The following MED23 variants were observed in gnomAD, a reference collection of about 807,000 sequenced individuals.
The protein encoded by MED23 is mediator complex subunit 23.
A neutral mutation model predicts 163.9 loss-of-function variants in MED23; 105 were observed. That is an observed-to-expected ratio of 0.64 (90% confidence interval 0.55 to 0.75). MED23 has a LOEUF of 0.75. Ranked by LOEUF, MED23 falls within the 30% of genes least tolerant of loss-of-function variation. MED23 has a pLI of 0.00. For synonymous variants in MED23, 561 were observed against 565.6 expected (o/e 0.99, Z 0.12); for missense variants, 1,054 against 1,649.0 (o/e 0.64, Z 6.25).
rs75072097 is a variant in MED23 at position 131,627,045 on chromosome 6, A to G, written c.159+351T>C. The G allele has an allele frequency of 3.8e-3, 771 of 201,294 alleles. 3 individuals are homozygous for G. Among genetic ancestry groups the G allele is most frequent in the African/African-American group, 0.015 (655 of 42,714 alleles). 12.5% of individuals were successfully genotyped at this position (201,294 alleles called of 1,614,324 possible). ...CTGTGCCAATTCCTTTATTTAGCAG[A>G]AAAATGGAATTTGTATCCTTGACAA... is the stretch of plus-strand genomic sequence containing the variant. On this transcript the variant is annotated intron_variant, in intron 3 of 28. Coordinates refer to ENST00000368068, the MANE Select transcript of MED23 (RefSeq NM_004830.4).
chr6:131,605,424 A>G lies in MED23; in HGVS notation c.1429T>C (p.Leu477=), dbSNP rs1430602417. The change falls in exon 14 of 29, where the codon TTG becomes CTG. Residue 477 remains leucine (L), a synonymous_variant. Transcript: ENST00000368068. ...LQMNDYKIAL[L]CNAYSTNSEC... ...GAATTTGTAGAGTATGCATTACACA[A>G]TAGAGCAATCTTATAGTCATTCATC... 5 of 1,611,870 alleles carry G rather than the reference A, an allele frequency of 3.1e-6. No homozygotes were observed. The Admixed American group carries it at 5.0e-5, about 16-fold the overall frequency.
downstream of MED23, chr6:131,584,059 T>A: frequency 1.1e-6 from 1 of 884,938 alleles, no homozygotes; most frequent in Non-Finnish European, 1.7e-6. Flanking sequence ...CCTCTTGGTG[T>A]AAAATTCAAG....
intron 28 of MED23, among the ~76,000 whole-genome samples, chr6:131,588,414 T>TA (rs1427757514): frequency 1.3e-5 from 2 of 152,242 alleles, no homozygotes; most frequent in African/African-American, 2.4e-5. Flanking sequence ...ACAGCTTTCT[T>TA]AGCTTTACTC....
chr6:131,619,921 G>A lies in MED23; in HGVS notation c.598-25C>T, dbSNP rs1012773885. ...ACTAAAGAGAGAAAGAAAGAGGGAA[G>A]TCAAATAAATACGTACAAAAGGAAA... On this transcript the variant is annotated intron_variant, in intron 7 of 28. Transcript: ENST00000368068. 26 of 1,449,474 alleles carry A rather than the reference G, an allele frequency of 1.8e-5. No homozygotes were observed. The African/African-American group carries it at 3.5e-4, about 19-fold the overall frequency. 89.8% of individuals were successfully genotyped at this position (1,449,474 alleles called of 1,614,324 possible). A position where few individuals can be genotyped will look rare whatever the true frequency, so the allele number is the denominator to read the frequency against.
intron 14 of MED23, 149 bp from the exon 15 acceptor site, chr6:131,604,469 A>T: frequency 1.1e-6 from 1 of 933,504 alleles, no homozygotes; most frequent in South Asian, 1.5e-5. Context: ...TGTGCAGGAC[A>T]CTTGGTAAGG....
At position 131,624,819 on chromosome 6, in the gene MED23, T is replaced by C. The variant is rs371693479; in HGVS notation, c.284+46A>G. ...CAACCTCAACCAATTTCCAATCACA[T>C]ATAGAAAAGAAAATTCTTCAGATTG... On this transcript the variant is annotated intron_variant, in intron 4 of 28. Transcript: ENST00000368068. 2.2e-5 allele frequency: 36 copies of C among 1,608,310 alleles called. No individual in the cohort carries two copies. The African/African-American group carries it at 3.5e-4, about 16-fold the overall frequency.
At chr6:131,595,228 C>T (rs1774960404) in intron 22 of MED23, among the ~76,000 whole-genome samples, 1 of 152,172 alleles carries the variant, frequency 6.6e-6, no homozygotes, top group Non-Finnish European at 1.5e-5. Flanking sequence ...CAATATTCTC[C>T]TTATAACCAG....
At chr6:131,584,599 T>C (rs1019711613), downstream of MED23, among the ~76,000 whole-genome samples, 2 of 152,148 alleles carry the variant, frequency 1.3e-5, no homozygotes, top group African/African-American at 4.8e-5. Flanking sequence ...TTGGGCTAGA[T>C]GTCCATGTTT....
At chr6:131,615,066 C>CAAAAAAAAAAAAAAAAAAAAA (rs5880072) in intron 10 of MED23, among the ~76,000 whole-genome samples, 3 of 68,242 alleles carry the variant, frequency 4.4e-5, no homozygotes, top group Non-Finnish European at 5.7e-5. Context: ...TCTTTGTTAC[C>CAAAAAAAAAAAAAAAAAAAAA]AAAAAAAAAA....
chr6:131,580,905 G>C (rs1773885849), intron 30 of MED23, among the ~76,000 whole-genome samples: 1 of 152,140 alleles, frequency 6.6e-6, no homozygotes, highest in Admixed American at 6.6e-5. Context: ...TTTCTTGTGT[G>C]GCTAGTATTT....
intron 2 of MED23, 76 bp from the exon 3 acceptor site, chr6:131,627,559 A>G (rs1777603921): frequency 6.3e-7 from 1 of 1,590,998 alleles, no homozygotes; most frequent in African/African-American, 1.3e-5. Context: ...AGTGGATCTT[A>G]TAACCTTCCA....
In MED23 at chr6:131,627,449, T is replaced by C. The variant is rs754748748; in HGVS notation, c.106A>G (p.Lys36Glu). The C allele has an allele frequency of 1.2e-6, 2 of 1,613,814 alleles. No individual in the cohort carries two copies. Among genetic ancestry groups the C allele is most frequent in the Non-Finnish European group, 1.7e-6 (2 of 1,179,926 alleles). Reference sequence around the variant, plus strand: ...AAGGCCCCCAAACAGCTAATTAGTTTTGTTTTCTCATCTTCAGGAGTATCC... The same window carrying C: ...AAGGCCCCCAAACAGCTAATTAGTTCTGTTTTCTCATCTTCAGGAGTATCC... ...FMDTPEDEKT[K>E]LISCLGAFRQ... is the part of the protein sequence containing the mutation. The change falls in exon 3 of 29, where the codon AAA becomes GAA. Residue 36 changes from lysine to glutamate, a missense_variant. This residue lies in a region of MED23 where 227 missense variants were observed against 235.5 expected (regional missense o/e 0.96). Coordinates refer to ENST00000368068, the MANE Select transcript of MED23 (RefSeq NM_004830.4).
At chr6:131,580,034 T>C (rs1773841149) in intron 30 of MED23, among the ~76,000 whole-genome samples, 1 of 152,162 alleles carries the variant, frequency 6.6e-6, no homozygotes, top group African/African-American at 2.4e-5. Flanking sequence ...CATATTCAGG[T>C]TGCATTATAA....
intron 3 of MED23, 78 bp from the exon 4 acceptor site, chr6:131,625,067 G>A: frequency 7.0e-7 from 1 of 1,429,916 alleles, no homozygotes; most frequent in Non-Finnish European, 9.8e-7. Context: ...ACAACTGGAA[G>A]TATACCAATA....
chr6:131,616,807 TG>T (rs1776725273), intron 9 of MED23, among the ~76,000 whole-genome samples: 1 of 152,000 alleles, frequency 6.6e-6, no homozygotes, highest in African/African-American at 2.4e-5. Flanking sequence ...GGTGACAGAG[TG>T]AGAGCCTGAC....
chr6:131,613,199 G>A (rs1776405118), intron 10 of MED23, among the ~76,000 whole-genome samples: 1 of 152,130 alleles, frequency 6.6e-6, no homozygotes, highest in African/African-American at 2.4e-5. Context: ...ACCACACTAT[G>A]TAAGAGCTTG....
intron 30 of MED23, among the ~76,000 whole-genome samples, chr6:131,576,968 A>G (rs561821926): frequency 1.2e-4 from 19 of 152,212 alleles, no homozygotes; most frequent in African/African-American, 4.6e-4. Context: ...AAACTACAGT[A>G]TAAGATAAAT....
chr6:131,599,377 T>C (rs1392589343), intron 18 of MED23, among the ~76,000 whole-genome samples: 1 of 152,190 alleles, frequency 6.6e-6, no homozygotes, highest in Non-Finnish European at 1.5e-5. Flanking sequence ...AGAAGACAGA[T>C]GAGGTTTGCC....
rs149725633 is a variant in MED23 at position 131,618,292 on chromosome 6, T to C, written c.780+115A>G. On this transcript the variant is annotated intron_variant, in intron 9 of 28. Transcript: ENST00000368068. ...AACATGATAAACTATAAACTATCTT[T>C]CATTAAATATTTACTTCTTCAGATT... 1.6e-3 allele frequency: 1,204 copies of C among 762,590 alleles called. 4 individuals carry two copies. Among genetic ancestry groups the C allele is most frequent in the Non-Finnish European group, 1.5e-4 (66 of 433,164 alleles). 47.2% of individuals were successfully genotyped at this position (762,590 alleles called of 1,614,324 possible). A position where few individuals can be genotyped will look rare whatever the true frequency, so the allele number is the denominator to read the frequency against.
Sources: gnomAD v4.1 joint callset for allele counts (sites outside exome capture counted in the v4.1 genomes callset) on GRCh38, gnomAD v4.1.1 for gene constraint, gnomAD v4.1.1 regional missense constraint, MANE v1.5 for transcripts, NCBI Gene and HGNC (gene_info 2026-07-23, HGNC 2026-07-21) for gene names.